CNTN5: variants seen among roughly 807,000 people sequenced by gnomAD.
The protein encoded by CNTN5 is contactin-5.
Under a neutral mutation model 129.1 loss-of-function variants are expected in CNTN5, and 77 were observed. The observed-to-expected ratio is 0.60, with a 90% CI of 0.50 to 0.72. The LOEUF is 0.72. CNTN5 is among the 30% of genes least tolerant of loss of function. The pLI is 0.00. For missense variants in CNTN5, 1,478 were observed against 1,328.8 expected, an observed-to-expected ratio of 1.11 and a Z score of -1.75; for synonymous variants, 509 against 465.6, an observed-to-expected ratio of 1.09 and a Z score of -1.20.
chr11:99,268,209 A>G (rs1055824338), intron 1 of CNTN5, among the ~76,000 whole-genome samples: 1 of 151,984 alleles, frequency 6.6e-6, no homozygotes, highest in Non-Finnish European at 1.5e-5. Context: ...CAATAAACCC[A>G]GAATAAAAAG....
rs993470240 is a variant in CNTN5, at chr11:99,126,573, G to A, written c.-210+105303G>A. Among the ~76,000 whole-genome samples, 27 of 152,298 alleles carry A rather than the reference G, an allele frequency of 1.8e-4. 1 individual carries two copies. Among genetic ancestry groups the A allele is most frequent in the Admixed American group, 1.5e-3 (23 of 15,284 alleles). On this transcript the variant is annotated intron_variant, in intron 1 of 24. Transcript: ENST00000524871. ...CTGCTGAATGTCCAACCAGGTAAGAGCGTAATGATAAAAATGAAGTTGGGG... is the reference window on the plus strand; with the variant it reads ...CTGCTGAATGTCCAACCAGGTAAGAACGTAATGATAAAAATGAAGTTGGGG...
intron 13 of CNTN5, among the ~76,000 whole-genome samples, chr11:100,146,655 G>A (rs956225743): frequency 3.3e-5 from 5 of 152,040 alleles, no homozygotes; most frequent in South Asian, 2.1e-4. Flanking sequence ...TATTCTCAGC[G>A]AGTAGATCAT....
At chr11:99,528,451 C>T (rs1233465270) in intron 2 of CNTN5, among the ~76,000 whole-genome samples, 4 of 152,206 alleles carry the variant, frequency 2.6e-5, no homozygotes, top group Non-Finnish European at 4.4e-5. Context: ...AGCTTTATAA[C>T]TGGAGTCATC....
chr11:99,847,077 A>G (rs1274551596), intron 6 of CNTN5, among the ~76,000 whole-genome samples: 6 of 152,228 alleles, frequency 3.9e-5, no homozygotes, highest in Non-Finnish European at 8.8e-5. Context: ...TCAAGAAAAT[A>G]TGCTATACAA....
intron 13 of CNTN5, among the ~76,000 whole-genome samples, chr11:100,094,765 A>AAAGGAAGGAAGGAAGGAAGGAAGG (rs57565481): frequency 4.6e-4 from 52 of 113,938 alleles, no homozygotes; most frequent in East Asian, 2.0e-3. Flanking sequence ...GGGAGGGAGG[A>AAAGGAAGGAAGGAAGGAAGGAAGG]AAGGAAGGAA....
chr11:100,100,775 C>T (rs1945192505), intron 13 of CNTN5, among the ~76,000 whole-genome samples: 1 of 152,080 alleles, frequency 6.6e-6, no homozygotes, highest in Non-Finnish European at 1.5e-5. Flanking sequence ...ATTTGGTTAG[C>T]AGATATACTT....
rs1952582502 is a variant in CNTN5, at chr11:100,358,816, A to G, written c.*2596A>G. ...TACCGTGTGGAAGGCACAGTCAAATAATAGTTCTGTGTACTGTTCTTGTAA... is the reference window on the plus strand; with the variant it reads ...TACCGTGTGGAAGGCACAGTCAAATGATAGTTCTGTGTACTGTTCTTGTAA... On this transcript the variant is annotated 3_prime_UTR_variant, in exon 25 of 25. Transcript: ENST00000524871. 1 of 151,916 alleles carries G rather than the reference A, an allele frequency of 6.6e-6. No individual in the cohort carries two copies. Among genetic ancestry groups the G allele is most frequent in the Non-Finnish European group, 1.5e-5 (1 of 67,878 alleles). 9.4% of individuals were successfully genotyped at this position (151,916 alleles called of 1,614,324 possible).
At chr11:100,204,779 G>C (rs1948880367) in intron 15 of CNTN5, among the ~76,000 whole-genome samples, 1 of 151,922 alleles carries the variant, frequency 6.6e-6, no homozygotes, top group Non-Finnish European at 1.5e-5. Context: ...TCATAAAAGA[G>C]AAAAATACAA....
intron 3 of CNTN5, among the ~76,000 whole-genome samples, chr11:99,610,215 T>C (rs141065658): frequency 5.5e-4 from 83 of 152,274 alleles, no homozygotes; most frequent in Non-Finnish European, 1.1e-3. Context: ...TTTTCCCAAC[T>C]AACTCTAAAA....
chr11:99,245,509 C>T (rs1270879356), intron 1 of CNTN5, among the ~76,000 whole-genome samples: 8 of 151,874 alleles, frequency 5.3e-5, no homozygotes, highest in African/African-American at 1.7e-4. Flanking sequence ...TTATTAGAGA[C>T]GGGGTTTCAC....
At chr11:99,626,103 G>A (rs962394863) in intron 3 of CNTN5, among the ~76,000 whole-genome samples, 1 of 151,996 alleles carries the variant, frequency 6.6e-6, no homozygotes, top group Non-Finnish European at 1.5e-5. Flanking sequence ...GGGTGAATGG[G>A]AGAATGGAGA....
At chr11:99,527,063 C>T (rs1255629362) in intron 2 of CNTN5, among the ~76,000 whole-genome samples, 2 of 152,220 alleles carry the variant, frequency 1.3e-5, no homozygotes, top group Non-Finnish European at 2.9e-5. Flanking sequence ...CTCCTGAGAT[C>T]CACTGCCCTT....
At chr11:99,395,391 G>T (rs548132159) in intron 2 of CNTN5, among the ~76,000 whole-genome samples, 1 of 151,612 alleles carries the variant, frequency 6.6e-6, no homozygotes, top group East Asian at 1.9e-4. Context: ...GGTATTGTTT[G>T]TTGGTTTTCT....
intron 3 of CNTN5, among the ~76,000 whole-genome samples, chr11:99,757,183 G>C (rs1944431928): frequency 2.0e-5 from 3 of 151,954 alleles, no homozygotes. Context: ...TCCATGGTGT[G>C]TTTTCACTTG....
intron 8 of CNTN5, among the ~76,000 whole-genome samples, chr11:99,970,282 T>C (rs1195659841): frequency 6.6e-6 from 1 of 152,194 alleles, no homozygotes; most frequent in Admixed American, 6.5e-5. Flanking sequence ...ATATTCTAGA[T>C]TGTAGCAAAG....
intron 13 of CNTN5, among the ~76,000 whole-genome samples, chr11:100,078,428 G>T (rs944123839): frequency 1.3e-5 from 2 of 152,146 alleles, no homozygotes; most frequent in Non-Finnish European, 2.9e-5. Context: ...GCTAAGATTT[G>T]TTTACATTTG....
chr11:99,064,129 A>G (rs1332525999), intron 1 of CNTN5, among the ~76,000 whole-genome samples: 1 of 152,106 alleles, frequency 6.6e-6, no homozygotes, highest in Non-Finnish European at 1.5e-5. Flanking sequence ...AAAATGAGTC[A>G]TGAGTCACCC....
At chr11:99,580,119 C>T (rs146042818) in intron 3 of CNTN5, among the ~76,000 whole-genome samples, 69 of 152,112 alleles carry the variant, frequency 4.5e-4, no homozygotes, top group East Asian at 1.5e-3. Context: ...TCTGTTTAGA[C>T]GCTGGATTAC....
At chr11:99,665,460 G>A (rs1158331131) in intron 3 of CNTN5, among the ~76,000 whole-genome samples, 2 of 150,610 alleles carry the variant, frequency 1.3e-5, no homozygotes, top group East Asian at 2.0e-4. Flanking sequence ...ATTTTATTAC[G>A]GGAGCATTGA....
Sources: allele counts gnomAD v4.1 joint callset (sites outside exome capture counted in the v4.1 genomes callset), GRCh38; gene constraint gnomAD v4.1.1; transcripts MANE v1.5; gene names NCBI Gene and HGNC (gene_info 2026-07-23, HGNC 2026-07-21).